Variants in NRXN3 observed in about 807,000 individuals in gnomAD.
NRXN3 encodes the protein neurexin III.
NRXN3 carries 32 observed loss-of-function variants against 137.6 expected under a neutral mutation model. The ratio of observed to expected loss-of-function variants is 0.23; its 90% CI spans 0.18 to 0.31. The LOEUF is 0.31. NRXN3 is among the 10% of genes least tolerant of loss of function. NRXN3 has a pLI of 1.00. For synonymous variants in NRXN3, 798 were observed against 784.5 expected, an observed-to-expected ratio of 1.02 and a Z score of -0.29; for missense variants, 1,574 against 2,062.5, an observed-to-expected ratio of 0.76 and a Z score of 4.59.
intron 15 of NRXN3, among the ~76,000 whole-genome samples, chr14:79,017,702 C>A (rs1247679507): frequency 6.6e-6 from 1 of 152,138 alleles, no homozygotes; most frequent in Non-Finnish European, 1.5e-5. Context: ...GGCAGGTTCT[C>A]TGTTAACAAT....
chr14:78,629,841 A>T (rs148121056), intron 4 of NRXN3, among the ~76,000 whole-genome samples: 1 of 152,260 alleles, frequency 6.6e-6, no homozygotes, highest in Non-Finnish European at 1.5e-5. Flanking sequence ...GACTTTAAAA[A>T]GTATTATACC....
At chr14:78,815,479 C>CTTTTTTTTTTTTTTTTTTTTTT (rs61411777) in intron 10 of NRXN3, among the ~76,000 whole-genome samples, 1 of 84,456 alleles carries the variant, frequency 1.2e-5, no homozygotes, top group Non-Finnish European at 2.2e-5. Flanking sequence ...TTGTTTCTTT[C>CTTTTTTTTTTTTTTTTTTTTTT]TTTTTTTTTT....
intron 10 of NRXN3, among the ~76,000 whole-genome samples, chr14:78,813,083 A>ATATATT (rs2098919482): frequency 6.6e-6 from 1 of 152,212 alleles, no homozygotes. Context: ...GTTTAAATTG[A>ATATATT]AACCAAGTTG....
chr14:79,013,239 G>T lies in NRXN3; in HGVS notation c.3262+25098G>T, dbSNP rs573203835. On this transcript the variant is annotated intron_variant, in intron 15 of 20. Transcript: ENST00000335750. The stretch of plus-strand genomic sequence containing the variant: ...ACATTAAAATGTTATCTTACAGAAG[G>T]TCAAAATGTCTTTCCTGCATGAATA... Among the ~76,000 whole-genome samples the T allele has an allele frequency of 3.9e-5, 6 of 152,286 alleles. No homozygotes were observed. The East Asian group carries it at 7.7e-4, about 20-fold the overall frequency.
intron 16 of NRXN3, among the ~76,000 whole-genome samples, chr14:79,522,922 A>T (rs74070272): frequency 0.037 from 5,621 of 152,254 alleles, 344 homozygotes; most frequent in African/African-American, 0.13. Context: ...AGGCAAATTT[A>T]CATTCTATCA....
At chr14:78,263,845 C>A (rs574443846) in intron 2 of NRXN3, among the ~76,000 whole-genome samples, 4 of 149,426 alleles carry the variant, frequency 2.7e-5, no homozygotes, top group African/African-American at 9.9e-5. Flanking sequence ...TTTCACCATG[C>A]GCATTTTTAG....
chr14:79,234,067 C>T (rs1242241152), intron 15 of NRXN3, among the ~76,000 whole-genome samples: 2 of 150,972 alleles, frequency 1.3e-5, no homozygotes, highest in Non-Finnish European at 2.9e-5. Flanking sequence ...AGGGGCTTCT[C>T]AATTTGATAC....
chr14:78,926,863 TA>T (rs1243699505), intron 10 of NRXN3, among the ~76,000 whole-genome samples: 352 of 20,406 alleles, frequency 0.017, 164 homozygotes, highest in African/African-American at 0.12. Flanking sequence ...ATATATATAA[TA>T]TATATATAAT....
At chr14:78,483,185 C>T (rs2095502037) in intron 4 of NRXN3, among the ~76,000 whole-genome samples, 1 of 152,152 alleles carries the variant, frequency 6.6e-6, no homozygotes, top group East Asian at 1.9e-4. Flanking sequence ...CAAAACAGAA[C>T]AACAAAACCC....
At position 78,428,693 on chromosome 14, in the gene NRXN3, G is replaced by A. The variant is rs1273309034; in HGVS notation, c.757+130833G>A. The stretch of plus-strand genomic sequence containing the variant: ...CAGGAAAGCTGATGTTGTAGTTCTA[G>A]TCTAAAGACTGGCAGGTCTGAGATT... On this transcript the variant is annotated intron_variant, in intron 4 of 20. Transcript: ENST00000335750. Among the ~76,000 whole-genome samples, 3 of 152,138 alleles carry A rather than the reference G, an allele frequency of 2.0e-5. No individual in the cohort carries two copies. In the East Asian group the frequency reaches 5.8e-4, roughly 29 times the overall value.
At chr14:79,368,803 C>T (rs1262917689) in intron 15 of NRXN3, among the ~76,000 whole-genome samples, 1 of 152,130 alleles carries the variant, frequency 6.6e-6, no homozygotes, top group Non-Finnish European at 1.5e-5. Context: ...AAAATTGGTA[C>T]TCTGTGAATA....
intron 15 of NRXN3, among the ~76,000 whole-genome samples, chr14:79,211,084 C>T (rs2067589390): frequency 6.6e-6 from 1 of 152,118 alleles, no homozygotes; most frequent in South Asian, 2.1e-4. Flanking sequence ...TTAATTTCTT[C>T]ATATGCAGTT....
At chr14:79,749,712 G>A (rs2098991251) in intron 19 of NRXN3, among the ~76,000 whole-genome samples, 1 of 152,072 alleles carries the variant, frequency 6.6e-6, no homozygotes, top group South Asian at 2.1e-4. Context: ...CCACATTGAG[G>A]TGAGGGGTAC....
At chr14:79,040,607 G>A (rs1200827752) in intron 15 of NRXN3, among the ~76,000 whole-genome samples, 1 of 152,110 alleles carries the variant, frequency 6.6e-6, no homozygotes, top group Non-Finnish European at 1.5e-5. Flanking sequence ...GAGAATTAAG[G>A]AGCATGGACA....
chr14:79,254,202 G>C (rs562349431), intron 15 of NRXN3, among the ~76,000 whole-genome samples: 28 of 152,276 alleles, frequency 1.8e-4, no homozygotes, highest in African/African-American at 6.7e-4. Flanking sequence ...TCAGAGAAGA[G>C]ATTGTTAGGC....
intron 17 of NRXN3, among the ~76,000 whole-genome samples, chr14:79,684,185 T>G (rs2098684941): frequency 6.6e-6 from 1 of 152,164 alleles, no homozygotes; most frequent in African/African-American, 2.4e-5. Flanking sequence ...TGGATGCTGT[T>G]ATGAAACAAA....
At chr14:78,629,783 G>A (rs1240678745) in intron 4 of NRXN3, among the ~76,000 whole-genome samples, 2 of 152,160 alleles carry the variant, frequency 1.3e-5, no homozygotes, top group Admixed American at 6.5e-5. Context: ...AATTCTCAAA[G>A]GGAGTTCACC....
chr14:78,412,148 C>T (rs1004453199), intron 4 of NRXN3, among the ~76,000 whole-genome samples: 2 of 152,142 alleles, frequency 1.3e-5, no homozygotes, highest in African/African-American at 4.8e-5. Flanking sequence ...TTATTTGGGA[C>T]ATAATAGAGT....
intron 10 of NRXN3, among the ~76,000 whole-genome samples, chr14:78,896,934 C>G (rs1480657643): frequency 6.6e-6 from 1 of 151,846 alleles, no homozygotes; most frequent in Admixed American, 6.6e-5. Context: ...GGTAACCATT[C>G]ATGGCTTTGA....
Sources: gnomAD v4.1 joint callset for allele counts (sites outside exome capture counted in the v4.1 genomes callset) on GRCh38, gnomAD v4.1.1 for gene constraint, MANE v1.5 for transcripts, NCBI Gene and HGNC (gene_info 2026-07-23, HGNC 2026-07-21) for gene names.